ARHGEF33: variants seen among roughly 807,000 people sequenced by gnomAD.
ARHGEF33 encodes DH and coiled-coil domain-containing protein ENSP00000381780.
In ARHGEF33, 72 loss-of-function variants were observed where a neutral mutation model predicts 101.9. That is an observed-to-expected ratio of 0.71 (90% CI 0.58 to 0.86). ARHGEF33 has a LOEUF of 0.86. ARHGEF33 is among the 40% of genes least tolerant of loss of function. ARHGEF33 has a pLI of 0.00. For synonymous variants in ARHGEF33, 499 were observed against 442.5 expected, an observed-to-expected ratio of 1.13 and a Z score of -1.60; for missense variants, 1,169 against 1,111.3, an observed-to-expected ratio of 1.05 and a Z score of -0.74.
intron 2 of ARHGEF33, among the ~76,000 whole-genome samples, chr2:38,911,010 A>T (rs952599902): frequency 6.6e-6 from 1 of 152,218 alleles, no homozygotes; most frequent in African/African-American, 2.4e-5. Flanking sequence ...AAATGAATGG[A>T]ACGTGTGTTT....
intron 7 of ARHGEF33, among the ~76,000 whole-genome samples, chr2:38,933,336 C>G (rs1283179106): frequency 6.6e-6 from 1 of 152,054 alleles, no homozygotes; most frequent in East Asian, 1.9e-4. Context: ...GGCAAGTTAT[C>G]TAAAAGAACG....
At chr2:38,957,975 T>A (rs1667812261) in intron 14 of ARHGEF33, 59 bp from the exon 15 acceptor site, 2 of 1,528,118 alleles carry the variant, frequency 1.3e-6, no homozygotes, top group Non-Finnish European at 8.9e-7. Flanking sequence ...GCATAATATG[T>A]GTTCAGAGAG....
At chr2:38,932,139 T>G (rs1057458906) in intron 7 of ARHGEF33, among the ~76,000 whole-genome samples, 1 of 152,254 alleles carries the variant, frequency 6.6e-6, no homozygotes, top group African/African-American at 2.4e-5. Flanking sequence ...TCATTTTTTT[T>G]TGAGACAGAG....
chr2:38,937,161 A>G (rs1667161782), intron 8 of ARHGEF33, 174 bp from the exon 9 acceptor site: 2 of 547,172 alleles, frequency 3.7e-6, no homozygotes, highest in Non-Finnish European at 6.5e-6. Flanking sequence ...CGCCCAGCTA[A>G]TTTTTTATAT....
At chr2:38,949,558 AAAAG>A (rs1667540977) in intron 10 of ARHGEF33, among the ~76,000 whole-genome samples, 1 of 152,124 alleles carries the variant, frequency 6.6e-6, no homozygotes, top group South Asian at 2.1e-4. Flanking sequence ...AAAGGGAAAA[AAAAG>A]AAAAAAGGAG....
intron 2 of ARHGEF33, among the ~76,000 whole-genome samples, chr2:38,896,891 A>G (rs1192400839): frequency 6.6e-6 from 1 of 151,896 alleles, no homozygotes; most frequent in African/African-American, 2.4e-5. Context: ...ATCCTTCCAT[A>G]TCTTTCTTTT....
intron 17 of ARHGEF33, among the ~76,000 whole-genome samples, chr2:38,970,274 T>G (rs1449542758): frequency 6.6e-6 from 1 of 152,210 alleles, no homozygotes; most frequent in East Asian, 1.9e-4. Context: ...GGGCCCCGTA[T>G]GTAATCATTT....
intron 4 of ARHGEF33, among the ~76,000 whole-genome samples, chr2:38,925,293 T>G (rs1036308235): frequency 1.3e-5 from 2 of 152,214 alleles, no homozygotes; most frequent in East Asian, 3.8e-4. Context: ...GCCAAAAGTG[T>G]CTAATTGAAA....
intron 4 of ARHGEF33, among the ~76,000 whole-genome samples, chr2:38,922,942 A>C (rs1666794253): frequency 6.6e-6 from 1 of 152,168 alleles, no homozygotes; most frequent in African/African-American, 2.4e-5. Context: ...TGCTGCTTTG[A>C]TGCTTCACTG....
chr2:38,926,720 G>C (rs746155495), intron 4 of ARHGEF33, among the ~76,000 whole-genome samples: 56 of 152,148 alleles, frequency 3.7e-4, no homozygotes, highest in Admixed American at 7.2e-4. Context: ...CTTTTCCTAG[G>C]AGTCTGCTGC....
At chr2:38,955,976 AC>A (rs777021457) in intron 13 of ARHGEF33, among the ~76,000 whole-genome samples, 2 of 152,118 alleles carry the variant, frequency 1.3e-5, no homozygotes, top group Non-Finnish European at 2.9e-5. Context: ...CCCTGAAAAG[AC>A]TTTCAACTGT....
At chr2:38,907,412 A>G (rs181086894) in intron 2 of ARHGEF33, among the ~76,000 whole-genome samples, 55 of 152,188 alleles carry the variant, frequency 3.6e-4, no homozygotes, top group African/African-American at 1.2e-3. Flanking sequence ...TCCAAATTGG[A>G]TGTCATTTCA....
intron 17 of ARHGEF33, chr2:38,972,085 G>T (rs1042229617): frequency 6.2e-6 from 4 of 645,334 alleles, no homozygotes; most frequent in Non-Finnish European, 1.1e-5. Context: ...AAACTGTCCT[G>T]TGGGGGAACA....
chr2:38,900,124 C>G (rs988670249), intron 2 of ARHGEF33, among the ~76,000 whole-genome samples: 2 of 152,192 alleles, frequency 1.3e-5, no homozygotes, highest in African/African-American at 4.8e-5. Context: ...CCCTGGAGAT[C>G]GAGGCTGCAG....
At chr2:38,893,170 T>C (rs938845477) in intron 1 of ARHGEF33, among the ~76,000 whole-genome samples, 3 of 151,662 alleles carry the variant, frequency 2.0e-5, no homozygotes, top group Non-Finnish European at 2.9e-5. Flanking sequence ...TTTTTTTTTT[T>C]TTTCTTTTTT....
At chr2:38,909,998 A>C (rs1209900020) in intron 2 of ARHGEF33, among the ~76,000 whole-genome samples, 3 of 151,996 alleles carry the variant, frequency 2.0e-5, no homozygotes, top group Non-Finnish European at 4.4e-5. Context: ...TTATTTATGT[A>C]GGCTATCCTA....
rs557224297 is a variant in ARHGEF33, at chr2:38,910,030, A to G, written c.-85-9333A>G. On this transcript the variant is annotated intron_variant, in intron 2 of 17. Coordinates refer to ENST00000409978, the MANE Select transcript of ARHGEF33 (RefSeq NM_001145451.5). ...CCTAGAGTTGGTCTCAGAACCTCAT[A>G]GAATAAATTTAGCTATTTACATGTA... Among the ~76,000 whole-genome samples, 6 of 152,246 alleles carry G rather than the reference A, an allele frequency of 3.9e-5. 1 individual carries two copies. The South Asian group carries it at 1.2e-3, about 32-fold the overall frequency.
intron 4 of ARHGEF33, among the ~76,000 whole-genome samples, chr2:38,928,110 T>C (rs148274468): frequency 1.3e-3 from 199 of 152,304 alleles, no homozygotes; most frequent in African/African-American, 4.3e-3. Context: ...ATTTTATGGA[T>C]GAGGAAACTG....
intron 17 of ARHGEF33, among the ~76,000 whole-genome samples, chr2:38,967,948 T>C (rs2124431598): frequency 7.4e-6 from 1 of 135,790 alleles, no homozygotes; most frequent in East Asian, 1.9e-4. Flanking sequence ...TTTTTTTTTT[T>C]TTTTTTTTTT....
Sources: allele counts gnomAD v4.1 joint callset (sites outside exome capture counted in the v4.1 genomes callset), GRCh38; gene constraint gnomAD v4.1.1; transcripts MANE v1.5; gene names NCBI Gene and HGNC (gene_info 2026-07-23, HGNC 2026-07-21).